Variants in GGTA1 observed in about 807,000 individuals in gnomAD.
The protein encoded by GGTA1 is inactive N-acetyllactosaminide alpha-1,3-galactosyltransferase.
Under a neutral mutation model 2.6 loss-of-function variants are expected in GGTA1, and 5 were observed. That is an observed-to-expected ratio of 1.92 (90% CI 1.00 to 4.04). The LOEUF (loss-of-function observed/expected upper bound fraction) is 4.04. GGTA1 is among the 30% of genes most tolerant of loss of function. The pLI, the probability that GGTA1 is intolerant of heterozygous loss-of-function variation, is 0.00. For missense variants in GGTA1, 50 were observed against 16.7 expected (o/e 2.99, Z -3.47); for synonymous variants, 17 against 5.0 (o/e 3.38, Z -3.19).
chr9:121,495,013 C>T (rs1382649905), intron 1 of GGTA1, among the ~76,000 whole-genome samples: 1 of 150,918 alleles, frequency 6.6e-6, no homozygotes, highest in Non-Finnish European at 1.5e-5. Flanking sequence ...CAATCTCCAC[C>T]TCCCGGGTTC....
exon 8 of GGTA1, chr9:121,447,069 T>G (rs938444781): frequency 6.6e-6 from 1 of 152,658 alleles, no homozygotes; most frequent in East Asian, 1.9e-4. Context: ...GCTTTCATCA[T>G]GCCACTTGGC....
intron 5 of GGTA1, among the ~76,000 whole-genome samples, chr9:121,458,939 A>AG (rs1288666498): frequency 6.6e-6 from 1 of 152,180 alleles, no homozygotes; most frequent in Non-Finnish European, 1.5e-5. Context: ...GCCCCATCTA[A>AG]GGGGCTTTAT....
chr9:121,495,817 C>T (rs771514761), intron 1 of GGTA1, among the ~76,000 whole-genome samples: 15 of 152,188 alleles, frequency 9.9e-5, no homozygotes, highest in East Asian at 1.9e-4. Context: ...TACAGTGACC[C>T]GTGATGGAAA....
chr9:121,461,905 A>G (rs1188118425), intron 3 of GGTA1, among the ~76,000 whole-genome samples: 1 of 152,232 alleles, frequency 6.6e-6, no homozygotes, highest in African/African-American at 2.4e-5. Flanking sequence ...GGGTTGCCCA[A>G]AGGTTAGCAG....
rs146218240 is a variant in GGTA1, at chr9:121,483,806, G to T, written c.-10+15844C>A. On this transcript the variant is annotated intron_variant, in intron 1 of 5. Transcript: ENST00000481799. Reference sequence around the variant, plus strand: ...TCCTGCTGGGAAACTTGAAGGTCACGATCTCCAACCTGCTTACCTCTGTGG... The same window carrying T: ...TCCTGCTGGGAAACTTGAAGGTCACTATCTCCAACCTGCTTACCTCTGTGG... 3.2e-4 allele frequency among the ~76,000 whole-genome samples: 48 copies of T among 152,322 alleles called. 3 individuals are homozygous for T. In the East Asian group the frequency reaches 8.9e-3, roughly 28 times the overall value.
downstream of GGTA1, among the ~76,000 whole-genome samples, chr9:121,454,755 G>C (rs4527952): frequency 0.22 from 33,390 of 152,182 alleles, 4,321 homozygotes; most frequent in Non-Finnish European, 0.3. Context: ...GCTCATGCCT[G>C]CAATCCCAGC....
intron 1 of GGTA1, among the ~76,000 whole-genome samples, chr9:121,489,987 TA>T (rs1554838307): frequency 6.6e-6 from 1 of 152,268 alleles, no homozygotes; most frequent in Non-Finnish European, 1.5e-5. Context: ...CTCATTCACG[TA>T]TTTGATTATT....
chr9:121,473,094 C>T (rs1040964500), intron 1 of GGTA1, among the ~76,000 whole-genome samples: 6 of 151,858 alleles, frequency 4.0e-5, no homozygotes, highest in Admixed American at 6.6e-5. Context: ...CTGAGGTGGG[C>T]GGATCACTTG....
chr9:121,482,973 T>G (rs932629446), intron 1 of GGTA1, among the ~76,000 whole-genome samples: 2 of 151,844 alleles, frequency 1.3e-5, no homozygotes, highest in African/African-American at 4.8e-5. Flanking sequence ...AGAAAAATAA[T>G]TTTAAAAGCC....
At position 121,499,420 on chromosome 9, in the gene GGTA1, CAG is replaced by C. The variant is rs1829059430; in HGVS notation, c.-10+228_-10+229del. On this transcript the variant is annotated intron_variant, in intron 1 of 5. Coordinates refer to ENST00000481799, the MANE Select transcript of GGTA1 (RefSeq NM_001382585.1). ...CAGGCTCCAGTCTTGGAAGGCTGGACAGAGGGAGGGACGGCCACAGGATGGGG... is the reference window on the plus strand; with the variant it reads ...CAGGCTCCAGTCTTGGAAGGCTGGACAGGGAGGGACGGCCACAGGATGGGG... 3.3e-5 allele frequency among the ~76,000 whole-genome samples: 5 copies of C among 152,254 alleles called. No individual in the cohort carries two copies. In the South Asian group the frequency reaches 1.0e-3, roughly 32 times the overall value.
intron 7 of GGTA1, among the ~76,000 whole-genome samples, chr9:121,449,285 A>G (rs2064866753): frequency 6.6e-6 from 1 of 152,208 alleles, no homozygotes; most frequent in Admixed American, 6.5e-5. Context: ...TGTAGACATA[A>G]GTTTTTAACT....
At chr9:121,487,446 C>T (rs1268181134) in intron 1 of GGTA1, among the ~76,000 whole-genome samples, 3 of 151,492 alleles carry the variant, frequency 2.0e-5, no homozygotes, top group African/African-American at 4.9e-5. Context: ...CTTGGTGGTG[C>T]GCACCTGTAA....
At chr9:121,468,006 AT>A (rs1442170912) in intron 1 of GGTA1, 75 bp from the exon 2 acceptor site, 1 of 425,204 alleles carries the variant, frequency 2.4e-6, no homozygotes, top group African/African-American at 2.1e-5. Context: ...TTTTTAAAAA[AT>A]GCTTTTACCC....
At chr9:121,472,475 G>C (rs748985810) in intron 1 of GGTA1, among the ~76,000 whole-genome samples, 5 of 152,214 alleles carry the variant, frequency 3.3e-5, no homozygotes, top group Non-Finnish European at 7.3e-5. Flanking sequence ...GATGCAATGA[G>C]ATAGCACAGT....
chr9:121,470,076 C>T (rs1223850081), intron 1 of GGTA1, among the ~76,000 whole-genome samples: 2 of 152,200 alleles, frequency 1.3e-5, no homozygotes, highest in African/African-American at 4.8e-5. Flanking sequence ...TGCTATGCCT[C>T]CTGTCTTTGG....
chr9:121,484,872 C>A (rs1478194301), intron 1 of GGTA1, among the ~76,000 whole-genome samples: 1 of 152,150 alleles, frequency 6.6e-6, no homozygotes, highest in Admixed American at 6.5e-5. Context: ...AAAACCAGAA[C>A]CAAAATAAAC....
intron 1 of GGTA1, among the ~76,000 whole-genome samples, chr9:121,472,867 A>G (rs1425011511): frequency 6.6e-6 from 1 of 152,210 alleles, no homozygotes; most frequent in East Asian, 1.9e-4. Flanking sequence ...CCCGAATCAG[A>G]CATACCTCCA....
intron 1 of GGTA1, among the ~76,000 whole-genome samples, chr9:121,480,980 C>A: frequency 6.6e-6 from 1 of 151,782 alleles, no homozygotes; most frequent in South Asian, 2.1e-4. Flanking sequence ...GGTGAAATCC[C>A]ATCTCTACTA....
chr9:121,491,561 C>T (rs550267195), intron 1 of GGTA1, among the ~76,000 whole-genome samples: 26 of 152,230 alleles, frequency 1.7e-4, no homozygotes, highest in African/African-American at 4.3e-4. Flanking sequence ...CTGTTATACA[C>T]GCTCTGCACT....
Sources: gnomAD v4.1 joint callset for allele counts (sites outside exome capture counted in the v4.1 genomes callset) on GRCh38, gnomAD v4.1.1 for gene constraint, MANE v1.5 for transcripts, NCBI Gene and HGNC (gene_info 2026-07-23, HGNC 2026-07-21) for gene names.